Variants in ANKRD10 observed in about 807,000 individuals in gnomAD.
ANKRD10 encodes the protein ankyrin repeat domain-containing protein 10.
A neutral mutation model predicts 27.0 loss-of-function variants in ANKRD10; 14 were observed. The ratio of observed to expected loss-of-function variants is 0.52; its 90% CI spans 0.34 to 0.81. ANKRD10 has a LOEUF of 0.81. Among genes scored for constraint, ANKRD10 ranks in the 40% least tolerant of loss-of-function variants. The probability of loss-of-function intolerance (pLI) is 0.01; values close to 1 mark genes in which losing one functional copy is unlikely to be tolerated. For missense variants in ANKRD10, 493 were observed against 544.0 expected (o/e 0.91, Z 0.93); for synonymous variants, 250 against 224.5 (o/e 1.11, Z -1.01).
chr13:110,910,670 T>C lies in ANKRD10; in HGVS notation c.311A>G (p.His104Arg), dbSNP rs1455263413. The change falls in exon 2 of 6, where the codon CAT (histidine) becomes CGT (arginine). Residue 104 changes from histidine to arginine, a missense_variant. Physicochemically the swap from His to Arg is conservative, Grantham distance 29. Transcript: ENST00000267339. ...AATCAGCCAGACCAGGCACTGAGGA[T>C]GTCCCCCAAAGGCTGCAATGTGGGC... ...TPAHIAAFGG[H>R]PQCLVWLIQA... The C allele has an allele frequency of 1.9e-6, 3 of 1,614,194 alleles. No homozygotes were observed. Among genetic ancestry groups the C allele is most frequent in the Admixed American group, 3.3e-5 (2 of 60,018 alleles).
intron 2 of ANKRD10, among the ~76,000 whole-genome samples, chr13:110,909,175 A>G (rs976962873): frequency 5.3e-5 from 8 of 152,234 alleles, no homozygotes; most frequent in African/African-American, 1.9e-4. Flanking sequence ...CTCTCTAAAT[A>G]AGATGCTATG....
chr13:110,897,062 A>C (rs55767405), intron 3 of ANKRD10, among the ~76,000 whole-genome samples: 7,155 of 152,268 alleles, frequency 0.047, 540 homozygotes, highest in African/African-American at 0.16. Flanking sequence ...ATACAAAAAA[A>C]ATAAAAAATT....
Position 110,894,474 on chromosome 13 carries a change from T to C in ANKRD10, c.456-1211A>G, listed in dbSNP as rs79835492. Reference sequence around the variant, plus strand: ...CTACAGAATTAGGGACAAATAATATTTTCTTATTTATAAGGACTGACAATA... The same window carrying C: ...CTACAGAATTAGGGACAAATAATATCTTCTTATTTATAAGGACTGACAATA... On this transcript the variant is annotated intron_variant, in intron 3 of 5. Coordinates refer to ENST00000267339, the MANE Select transcript of ANKRD10 (RefSeq NM_017664.4). 6.0e-3 allele frequency: 1,424 copies of C among 237,470 alleles called. 20 individuals are homozygous for C. The highest frequency in any genetic ancestry group is 0.03 in the African/African-American group (1,269 of 42,838). 14.7% of individuals were successfully genotyped at this position (237,470 alleles called of 1,614,324 possible).
chr13:110,905,713 T>C (rs2065512238), intron 3 of ANKRD10, among the ~76,000 whole-genome samples: 1 of 152,224 alleles, frequency 6.6e-6, no homozygotes, highest in Non-Finnish European at 1.5e-5. Context: ...AAGACCACAG[T>C]GACACAACTA....
rs2065057391 is a variant in ANKRD10 at position 110,890,924 on chromosome 13, G to A, written c.691+2104C>T. Among the ~76,000 whole-genome samples the A allele has an allele frequency of 3.3e-5, 5 of 152,162 alleles. No homozygotes were observed. In the South Asian group the frequency reaches 1.0e-3, roughly 32 times the overall value. On this transcript the variant is annotated intron_variant, in intron 4 of 5. Coordinates refer to ENST00000267339, the MANE Select transcript of ANKRD10 (RefSeq NM_017664.4). ...GGACTCTTTAAACCAAATTTATGTA[G>A]TTAACGAGGATTAGGAAACAAGGAA...
intron 3 of ANKRD10, among the ~76,000 whole-genome samples, chr13:110,896,270 T>C (rs1203854925): frequency 6.6e-6 from 1 of 152,238 alleles, no homozygotes; most frequent in African/African-American, 2.4e-5. Flanking sequence ...AACAGAAATA[T>C]CCAGCACCCT....
At chr13:110,880,425 G>A (rs889384454) in intron 5 of ANKRD10, among the ~76,000 whole-genome samples, 2 of 152,186 alleles carry the variant, frequency 1.3e-5, no homozygotes, top group African/African-American at 4.8e-5. Flanking sequence ...CATCAATAAA[G>A]TGCTCTCATT....
chr13:110,911,179 G>A (rs1478708777), intron 1 of ANKRD10, among the ~76,000 whole-genome samples: 2 of 152,238 alleles, frequency 1.3e-5, no homozygotes, highest in Non-Finnish European at 2.9e-5. Flanking sequence ...GCCGGGCGCA[G>A]TGGCTCATGC....
chr13:110,914,995 G>C lies in ANKRD10; in HGVS notation c.-61C>G, dbSNP rs2065851819. On this transcript the variant is annotated 5_prime_UTR_variant, in exon 1 of 6. Transcript: ENST00000267339. The stretch of plus-strand genomic sequence containing the variant: ...AGAGGACGCGTCGGGGAGGACTCGA[G>C]AAGCCGCCGCCGCAGCACAAAGGAA... The C allele has an allele frequency of 2.0e-6, 3 of 1,491,004 alleles. No individual in the cohort carries two copies. In the East Asian group the frequency reaches 7.5e-5, roughly 37 times the overall value. 92.4% of individuals were successfully genotyped at this position (1,491,004 alleles called of 1,614,324 possible). A position where few individuals can be genotyped will look rare whatever the true frequency, so the allele number is the denominator to read the frequency against.
chr13:110,911,596 A>AG (rs1386153390), intron 1 of ANKRD10: 9 of 152,136 alleles, frequency 5.9e-5, no homozygotes, highest in African/African-American at 1.4e-4. Context: ...GCGAAACCCC[A>AG]TACTGGGGTT....
intron 4 of ANKRD10, among the ~76,000 whole-genome samples, chr13:110,888,974 T>C (rs7319481): frequency 0.34 from 51,859 of 152,012 alleles, 9,349 homozygotes; most frequent in South Asian, 0.42. Context: ...TGGGTCAGTT[T>C]TTAAACTCAC....
At chr13:110,898,119 C>T (rs573355229) in intron 3 of ANKRD10, among the ~76,000 whole-genome samples, 23 of 152,218 alleles carry the variant, frequency 1.5e-4, no homozygotes, top group Middle Eastern at 3.4e-3. Flanking sequence ...ACTCTGAGAG[C>T]GCACTTAGCT....
rs976521921 is a variant in ANKRD10, at chr13:110,886,447, C to T, written c.692-2654G>A. Among the ~76,000 whole-genome samples, 16 of 152,342 alleles carry T rather than the reference C, an allele frequency of 1.1e-4. No individual in the cohort carries two copies. The East Asian group carries it at 1.3e-3, about 13-fold the overall frequency. On this transcript the variant is annotated intron_variant, in intron 4 of 5. Transcript: ENST00000267339. Reference sequence around the variant, plus strand: ...TCTCCATAGATACAGCCTCTCTATACGGTGTAGTTCCCACAACCAGCTGTC... The same window carrying T: ...TCTCCATAGATACAGCCTCTCTATATGGTGTAGTTCCCACAACCAGCTGTC...
At position 110,894,236 on chromosome 13, in the gene ANKRD10, T is replaced by C. The variant is rs751244428; in HGVS notation, c.456-973A>G. The stretch of plus-strand genomic sequence containing the variant: ...AAGCAGACATCCTGTTAGCTGCAGG[T>C]TGATAAACAAACGGGAGAAGTACTT... On this transcript the variant is annotated intron_variant, in intron 3 of 5. Coordinates refer to ENST00000267339, the MANE Select transcript of ANKRD10 (RefSeq NM_017664.4). 6.8e-6 allele frequency: 10 copies of C among 1,474,362 alleles called. No individual in the cohort carries two copies. The Admixed American group carries it at 1.5e-4, about 22-fold the overall frequency. The allele number at this position is 1,474,362 out of a possible 1,614,324, so 91.3% of individuals were successfully genotyped here. A position where few individuals can be genotyped will look rare whatever the true frequency, so the allele number is the denominator to read the frequency against.
rs1465117752 is a variant in ANKRD10 at position 110,914,731 on chromosome 13, G to C, written c.204C>G (p.Phe68Leu). ...TTAAAGCGTTCGCACCCACCTTGCC[G>C]AAATGCGCGGCCCAGTGCACGGGCG... ...GWTPVHWAAH[F>L]GKLECLVQLV... The change falls in exon 1 of 6, where the codon TTC becomes TTG. Residue 68 changes from phenylalanine (F) to leucine (L), a missense_variant. Coordinates refer to ENST00000267339, the MANE Select transcript of ANKRD10 (RefSeq NM_017664.4). 1 of 1,583,530 alleles carries C rather than the reference G, an allele frequency of 6.3e-7. No homozygotes were observed. Among genetic ancestry groups the C allele is most frequent in the Non-Finnish European group, 8.6e-7 (1 of 1,165,730 alleles).
In ANKRD10 at chr13:110,910,775, G is replaced by C. The variant is rs567653926; in HGVS notation, c.211-5C>G. 1 of 1,611,904 alleles carries C rather than the reference G, an allele frequency of 6.2e-7. No individual in the cohort carries two copies. Among genetic ancestry groups the C allele is most frequent in the Non-Finnish European group, 8.5e-7 (1 of 1,179,126 alleles). ...CAACTGCACTAAGCACTCCAACTTC[G>C]AAAACAAGAGGGGTAATGAAAACAC... is the stretch of plus-strand genomic sequence containing the variant. On this transcript the variant is annotated splice_polypyrimidine_tract_variant and splice_region_variant and intron_variant, in intron 1 of 5. Coordinates refer to ENST00000267339, the MANE Select transcript of ANKRD10 (RefSeq NM_017664.4).
chr13:110,904,643 TA>T (rs1404781251), intron 3 of ANKRD10, among the ~76,000 whole-genome samples: 1 of 152,208 alleles, frequency 6.6e-6, no homozygotes, highest in Non-Finnish European at 1.5e-5. Flanking sequence ...TAACTACAGC[TA>T]AGAAAAATGC....
At chr13:110,912,464 T>G (rs2065744890) in intron 1 of ANKRD10, among the ~76,000 whole-genome samples, 1 of 152,224 alleles carries the variant, frequency 6.6e-6, no homozygotes, top group Non-Finnish European at 1.5e-5. Flanking sequence ...TAATTAGCGA[T>G]AAGATGAACA....
At position 110,893,130 on chromosome 13, in the gene ANKRD10, C is replaced by G; in HGVS notation, c.589G>C (p.Gly197Arg). 1 of 1,614,118 alleles carries G rather than the reference C, an allele frequency of 6.2e-7. No individual in the cohort carries two copies. The change falls in exon 4 of 6, where the codon GGT becomes CGT. Residue 197 changes from glycine (G) to arginine (R), a missense_variant. Gly to Arg is a moderately radical substitution (Grantham distance 125, BLOSUM62 -2). Transcript: ENST00000267339. ...HFYNNGILNG[G>R]HQNVFPNHIS... ...TGATTAGGAAATACATTCTGATGAC[C>G]CCCATTTAAGATGCCATTGTTATAG...
Sources: allele counts gnomAD v4.1 joint callset (sites outside exome capture counted in the v4.1 genomes callset), GRCh38; gene constraint gnomAD v4.1.1; transcripts MANE v1.5; gene names NCBI Gene and HGNC (gene_info 2026-07-23, HGNC 2026-07-21).